Variants in PTPRA observed in about 807,000 individuals in gnomAD.
PTPRA encodes the protein protein tyrosine phosphatase receptor type A.
A neutral mutation model predicts 104.8 loss-of-function variants in PTPRA; 25 were observed. The ratio of observed to expected loss-of-function variants is 0.24; its 90% CI spans 0.17 to 0.33. PTPRA has a LOEUF of 0.33. PTPRA is among the 10% of genes least tolerant of loss of function. The pLI, the probability that PTPRA is intolerant of heterozygous loss-of-function variation, is 1.00. For synonymous variants in PTPRA, 323 were observed against 368.9 expected (o/e 0.88, Z 1.43); for missense variants, 765 against 1,015.3 (o/e 0.75, Z 3.35).
At chr20:2,987,976 G>A (rs2062978542) in intron 7 of PTPRA, 56 bp from the exon 8 acceptor site, 1 of 1,435,054 alleles carries the variant, frequency 7.0e-7, no homozygotes. Flanking sequence ...ACAGAGGTGT[G>A]ATTTGCCTCT....
chr20:2,884,714 G>T (rs2090270583), intron 1 of PTPRA, among the ~76,000 whole-genome samples: 1 of 151,860 alleles, frequency 6.6e-6, no homozygotes. Flanking sequence ...TCTGTGGGTT[G>T]TGTGTTCAGC....
chr20:2,995,361 T>G (rs1028624877), intron 9 of PTPRA, among the ~76,000 whole-genome samples: 6 of 152,148 alleles, frequency 3.9e-5, no homozygotes, highest in Admixed American at 2.0e-4. Context: ...CAAGCAGTCC[T>G]CCCACCTTGG....
intron 1 of PTPRA, among the ~76,000 whole-genome samples, chr20:2,921,270 G>A (rs1016625511): frequency 1.3e-5 from 2 of 148,924 alleles, no homozygotes; most frequent in South Asian, 2.1e-4. Context: ...CTTACGAGAT[G>A]TCTGTGAAGC....
chr20:2,978,723 G>A (rs2062547350), intron 6 of PTPRA, among the ~76,000 whole-genome samples: 1 of 152,142 alleles, frequency 6.6e-6, no homozygotes, highest in South Asian at 2.1e-4. Flanking sequence ...AACAGTTTCG[G>A]TTTGTAACCA....
At chr20:2,995,252 T>TGGATTCACTGAATCCTC (rs2063351925) in intron 9 of PTPRA, among the ~76,000 whole-genome samples, 1 of 152,134 alleles carries the variant, frequency 6.6e-6, no homozygotes, top group South Asian at 2.1e-4. Flanking sequence ...TGAATTCCTG[T>TGGATTCACTGAATCCTC]AGTTTCTTCT....
At chr20:2,962,264 T>TA (rs2061781919) in intron 3 of PTPRA, among the ~76,000 whole-genome samples, 5 of 151,774 alleles carry the variant, frequency 3.3e-5, no homozygotes, top group African/African-American at 1.2e-4. Context: ...TAGGAGCTTT[T>TA]GTTTTTTCTG....
intron 3 of PTPRA, among the ~76,000 whole-genome samples, chr20:2,958,682 A>G (rs1365954065): frequency 2.0e-5 from 3 of 147,904 alleles, no homozygotes; most frequent in South Asian, 2.1e-4. Flanking sequence ...AAAAAAAAAA[A>G]AAAGAAATAC....
intron 5 of PTPRA, among the ~76,000 whole-genome samples, chr20:2,970,625 A>T (rs2062147372): frequency 6.6e-6 from 1 of 152,138 alleles, no homozygotes. Flanking sequence ...AAAACTGCAA[A>T]TGTTGTTCCC....
In PTPRA at chr20:2,965,542, A is replaced by T. The variant is rs562578050; in HGVS notation, c.415+340A>T. 2.0e-5 allele frequency among the ~76,000 whole-genome samples: 3 copies of T among 152,204 alleles called. No homozygotes were observed. In the East Asian group the frequency reaches 5.8e-4, roughly 29 times the overall value. On this transcript the variant is annotated intron_variant, in intron 5 of 23. Transcript: ENST00000399903. Reference sequence around the variant, plus strand: ...AAAGATACAGAGAATGAGTAATAAGATTAGGTTTGGAAAGGGAGGGATCCG... The same window carrying T: ...AAAGATACAGAGAATGAGTAATAAGTTTAGGTTTGGAAAGGGAGGGATCCG...
chr20:2,937,350 C>T (rs1286625674), intron 2 of PTPRA, among the ~76,000 whole-genome samples: 1 of 151,934 alleles, frequency 6.6e-6, no homozygotes, highest in African/African-American at 2.4e-5. Flanking sequence ...GTCTCGATTT[C>T]CTGACCTCGT....
intron 1 of PTPRA, among the ~76,000 whole-genome samples, chr20:2,882,980 T>G: frequency 6.8e-6 from 1 of 147,718 alleles, no homozygotes; most frequent in East Asian, 2.0e-4. Flanking sequence ...CAACACTTTT[T>G]TTTTTTTTTT....
intron 1 of PTPRA, among the ~76,000 whole-genome samples, chr20:2,918,510 CTTTGATTTGTGGACTCTG>C (rs947629502): frequency 3.3e-5 from 5 of 152,078 alleles, no homozygotes; most frequent in Non-Finnish European, 2.9e-5. Flanking sequence ...TGGTAATGTT[CTTTGATTTGTGGACTCTG>C]TTTGATTTGT....
the PTPRA span, chr20:2,864,557 A>G: frequency 6.2e-7 from 1 of 1,614,140 alleles, no homozygotes; most frequent in East Asian, 2.2e-5. This position sits in a 1 kb window ranked among gnomAD's most constrained non-coding sequence, Gnocchi z 5.2. Flanking sequence ...TTCTGTAAGC[A>G]TCAGGAGCTA....
chr20:2,932,693 C>T (rs2147527803), intron 2 of PTPRA, among the ~76,000 whole-genome samples: 1 of 152,224 alleles, frequency 6.6e-6, no homozygotes, highest in South Asian at 2.1e-4. Context: ...ACATAGGAAA[C>T]TGACAAAGGA....
At chr20:2,925,851 G>A (rs2060274984) in intron 2 of PTPRA, among the ~76,000 whole-genome samples, 1 of 151,842 alleles carries the variant, frequency 6.6e-6, no homozygotes, top group African/African-American at 2.4e-5. Flanking sequence ...AAAAACACAT[G>A]GATGTACAAA....
the PTPRA span, among the ~76,000 whole-genome samples, chr20:2,866,979 T>C: frequency 1.3e-5 from 2 of 152,232 alleles, no homozygotes; most frequent in African/African-American, 4.8e-5. Context: ...AAGAACATAC[T>C]GTAAAGCATT....
intron 2 of PTPRA, among the ~76,000 whole-genome samples, chr20:2,930,031 C>G (rs78192490): frequency 0.016 from 2,424 of 152,228 alleles, 61 homozygotes; most frequent in African/African-American, 0.054. Flanking sequence ...GGAAACCAAA[C>G]TTGCTGACAC....
chr20:3,002,146 A>C (rs1306979815), intron 9 of PTPRA, among the ~76,000 whole-genome samples: 1 of 143,844 alleles, frequency 7.0e-6, no homozygotes, highest in Non-Finnish European at 1.5e-5. Flanking sequence ...TCTCCAAAAA[A>C]AAACAACAAA....
chr20:2,992,347 T>C (rs1192584982), intron 9 of PTPRA, among the ~76,000 whole-genome samples: 1 of 151,728 alleles, frequency 6.6e-6, no homozygotes. Flanking sequence ...TGAAACCCCG[T>C]CTCTACTAAA....
Sources: gnomAD v4.1 joint callset for allele counts (sites outside exome capture counted in the v4.1 genomes callset) on GRCh38, gnomAD v4.1.1 for gene constraint, Gnocchi (gnomAD v3.1) non-coding constraint, MANE v1.5 for transcripts, NCBI Gene and HGNC (gene_info 2026-07-23, HGNC 2026-07-21) for gene names.